The following SP100 variants were observed in gnomAD, a reference collection of about 807,000 sequenced individuals.
The protein encoded by SP100 is nuclear autoantigen Sp-100.
SP100 carries 84 observed loss-of-function variants against 130.0 expected under a neutral mutation model. The ratio of observed to expected loss-of-function variants is 0.65; its 90% CI spans 0.54 to 0.77. The LOEUF is 0.77. SP100 is among the 30% of genes least tolerant of loss of function. The pLI, the probability that SP100 is intolerant of heterozygous loss-of-function variation, is 0.00. For missense variants in SP100, 978 were observed against 1,052.2 expected (o/e 0.93, Z 0.97); for synonymous variants, 331 against 351.7 (o/e 0.94, Z 0.66).
At chr2:230,447,527 C>T (rs534012977) in intron 5 of SP100, among the ~76,000 whole-genome samples, 3 of 152,298 alleles carry the variant, frequency 2.0e-5, no homozygotes, top group East Asian at 1.9e-4. Flanking sequence ...TGGAGGTTCC[C>T]GCAAGCCCTT....
At position 230,450,176 on chromosome 2, in the gene SP100, C is replaced by G. The variant is rs2063905739; in HGVS notation, c.741C>G (p.Ser247=). ...QCAQKAEPTE[S]CEQIAVQVNN... is the part of the protein sequence containing the mutation. The stretch of plus-strand genomic sequence containing the variant: ...TGTGATCTCGTTTATCTCCAGAGTC[C>G]TGCGAACAAATTGCTGTCCAAGTGA... Residue 247 remains serine, a synonymous_variant, in exon 8 of 29, where the codon TCC becomes TCG. Coordinates refer to ENST00000340126, the MANE Select transcript of SP100 (RefSeq NM_001080391.2). 6.2e-7 allele frequency: 1 copy of G among 1,612,682 alleles called. No homozygotes were observed. The highest frequency in any genetic ancestry group is 1.7e-5 in the Admixed American group (1 of 59,990).
rs1350597825 is a variant in SP100, at chr2:230,504,181, T to A, written c.1766-5T>A. 1.3e-6 allele frequency: 2 copies of A among 1,578,546 alleles called. No individual in the cohort carries two copies. Among genetic ancestry groups the A allele is most frequent in the Non-Finnish European group, 1.7e-6 (2 of 1,149,080 alleles). On this transcript the variant is annotated splice_region_variant and splice_polypyrimidine_tract_variant and intron_variant, in intron 20 of 28. Transcript: ENST00000340126. ...TGGAATGGAAAAAAAAATGCTTCCT[T>A]GCAGGTCCAAGAATTCCCAAAGATG...
intron 17 of SP100, among the ~76,000 whole-genome samples, chr2:230,488,741 A>AT (rs1056832620): frequency 6.6e-6 from 1 of 152,082 alleles, no homozygotes; most frequent in African/African-American, 2.4e-5. Flanking sequence ...GGGATGTTGA[A>AT]TTTTTTCAAA....
intron 24 of SP100, among the ~76,000 whole-genome samples, chr2:230,520,233 G>A (rs991500307): frequency 5.9e-5 from 9 of 152,094 alleles, no homozygotes; most frequent in South Asian, 2.1e-4. Context: ...CCATGTTGCT[G>A]GGGGTATGCC....
chr2:230,435,499 T>C (rs2063234236), intron 2 of SP100, among the ~76,000 whole-genome samples: 1 of 152,250 alleles, frequency 6.6e-6, no homozygotes, highest in Non-Finnish European at 1.5e-5. Context: ...CAAATGTTTT[T>C]TGTCTGACTC....
intron 15 of SP100, among the ~76,000 whole-genome samples, chr2:230,471,324 T>C (rs2065253835): frequency 6.6e-6 from 1 of 152,188 alleles, no homozygotes; most frequent in African/African-American, 2.4e-5. Context: ...CTCATTGATA[T>C]AGGTGTATTT....
intron 2 of SP100, among the ~76,000 whole-genome samples, chr2:230,426,274 C>G (rs565131643): frequency 2.0e-5 from 3 of 152,224 alleles, no homozygotes; most frequent in Admixed American, 2.0e-4. Flanking sequence ...ATTATTTTCT[C>G]CCTTCTGCTG....
At chr2:230,541,748 C>T in intron 27 of SP100, 144 bp from the exon 28 acceptor site, 1 of 802,178 alleles carries the variant, frequency 1.2e-6, no homozygotes, top group Middle Eastern at 3.8e-4. Context: ...TCATGACCTC[C>T]CAAAGGTCCC....
intron 17 of SP100, among the ~76,000 whole-genome samples, chr2:230,478,360 G>A (rs1212756498): frequency 3.3e-5 from 5 of 152,146 alleles, no homozygotes; most frequent in Non-Finnish European, 7.4e-5. Flanking sequence ...AGGTTTCTTT[G>A]GAAACTGGTT....
chr2:230,473,475 C>T (rs1307579218), intron 16 of SP100, 35 bp downstream of exon 16: 2 of 1,274,852 alleles, frequency 1.6e-6, no homozygotes, highest in Non-Finnish European at 2.3e-6. Flanking sequence ...ATGGAAGTGG[C>T]TCAGTGGATA....
At chr2:230,505,134 T>G (rs531898590) in intron 21 of SP100, among the ~76,000 whole-genome samples, 121 of 152,286 alleles carry the variant, frequency 7.9e-4, no homozygotes, top group African/African-American at 2.9e-3. Flanking sequence ...ATGGCCAACC[T>G]TGCATATAGG....
chr2:230,522,087 G>T (rs1691196919), intron 24 of SP100, among the ~76,000 whole-genome samples: 2 of 152,200 alleles, frequency 1.3e-5, no homozygotes, highest in Non-Finnish European at 2.9e-5. Flanking sequence ...GCAGGTACCA[G>T]ACAGTGGGAT....
At chr2:230,478,957 A>G (rs2065698014) in intron 17 of SP100, among the ~76,000 whole-genome samples, 1 of 152,126 alleles carries the variant, frequency 6.6e-6, no homozygotes, top group African/African-American at 2.4e-5. Flanking sequence ...AGTAGCTAGG[A>G]CTACATGTGC....
chr2:230,515,424 T>A (rs1362639565), intron 24 of SP100: 2 of 1,613,826 alleles, frequency 1.2e-6, no homozygotes, highest in Non-Finnish European at 1.7e-6. Flanking sequence ...GGATGTGGAA[T>A]AACACCGCTG....
chr2:230,448,918 G>T (rs2063834893), intron 5 of SP100, among the ~76,000 whole-genome samples, 170 bp from the exon 6 acceptor site: 1 of 152,196 alleles, frequency 6.6e-6, no homozygotes, highest in Admixed American at 6.5e-5. Flanking sequence ...CTCAAGGCTG[G>T]AGTCTGACTT....
rs1205895393 is a variant in SP100 at position 230,439,562 on chromosome 2, G to GTTGTTGTTT, written c.108-3367_108-3366insTTTGTTGTT. On this transcript the variant is annotated intron_variant, in intron 2 of 28. Transcript: ENST00000340126. ...GGTTTTTTGGATTTTTGTTGTTGTT[G>GTTGTTGTTT]TTGTTGTTGTTGTTTTGCTTTGTTT... 7.9e-5 allele frequency among the ~76,000 whole-genome samples: 12 copies of GTTGTTGTTT among 151,846 alleles called. No homozygotes were observed. In the East Asian group the frequency reaches 2.1e-3, roughly 27 times the overall value.
Position 230,474,434 on chromosome 2 carries a change from C to T in SP100, c.1587C>T (p.His529=). The part of the protein sequence containing the change: ...DVENNSTLEK[H]SGKRRKKRRH... ...AAAACAATTCTACTTTGGAAAAACA[C>T]AGTGGGAAAAGAAGTAAGAACAAAT... The change falls in exon 17 of 29, where the codon CAC becomes CAT. Residue 529 remains histidine, a synonymous_variant. Coordinates refer to ENST00000340126, the MANE Select transcript of SP100 (RefSeq NM_001080391.2). 6.7e-7 allele frequency: 1 copy of T among 1,498,814 alleles called. No individual in the cohort carries two copies. The highest frequency in any genetic ancestry group is 9.2e-7 in the Non-Finnish European group (1 of 1,082,590). 92.8% of individuals were successfully genotyped at this position (1,498,814 alleles called of 1,614,324 possible). A position where few individuals can be genotyped will look rare whatever the true frequency, so the allele number is the denominator to read the frequency against.
At chr2:230,500,132 G>A (rs952360950) in intron 19 of SP100, among the ~76,000 whole-genome samples, 1 of 151,670 alleles carries the variant, frequency 6.6e-6, no homozygotes, top group African/African-American at 2.4e-5. Flanking sequence ...ATTAGTCCCT[G>A]CTATGAAAAA....
At chr2:230,417,483 G>T (rs2062635986) in intron 1 of SP100, 108 bp from the exon 2 acceptor site, 13 of 1,382,558 alleles carry the variant, frequency 9.4e-6, no homozygotes, top group South Asian at 4.8e-5. Flanking sequence ...TTTCTTTTTG[G>T]GTTTTTACAT....
Sources: allele counts gnomAD v4.1 joint callset (sites outside exome capture counted in the v4.1 genomes callset), GRCh38; gene constraint gnomAD v4.1.1; transcripts MANE v1.5; gene names NCBI Gene and HGNC (gene_info 2026-07-23, HGNC 2026-07-21).